Variants in ZNF254 observed in about 807,000 individuals in gnomAD.
ZNF254 encodes CTD-2017D11.1.
A neutral mutation model predicts 12.4 loss-of-function variants in ZNF254; 10 were observed. The ratio of observed to expected loss-of-function variants is 0.80; its 90% CI spans 0.50 to 1.36. The LOEUF is 1.36. Ranked by LOEUF, ZNF254 falls within the 40% of genes most tolerant of loss-of-function variation. ZNF254 has a pLI of 0.00. For synonymous variants in ZNF254, 305 were observed against 253.4 expected (o/e 1.20, Z -1.93); for missense variants, 996 against 763.9 (o/e 1.30, Z -3.58).
Position 24,129,902 on chromosome 19 carries a change from C to T in ZNF254, c.*1922C>T, listed in dbSNP as rs1208638328. On this transcript the variant is annotated 3_prime_UTR_variant, in exon 4 of 4. Transcript: ENST00000357002. ...CTTTGCCTGCAAGCACATATGGACTCTTAGAATTGATTTACATAAAATTAA... is the reference window on the plus strand; with the variant it reads ...CTTTGCCTGCAAGCACATATGGACTTTTAGAATTGATTTACATAAAATTAA... 6.6e-6 allele frequency: 1 copy of T among 151,840 alleles called. No homozygotes were observed. Among genetic ancestry groups the T allele is most frequent in the Non-Finnish European group, 1.5e-5 (1 of 67,956 alleles). The allele number at this position is 151,840 out of a possible 1,614,324, so 9.4% of individuals were successfully genotyped here.
chr19:24,062,305 G>GC (rs1971107947), intron 2 of ZNF254, among the ~76,000 whole-genome samples: 1 of 152,080 alleles, frequency 6.6e-6, no homozygotes, highest in Admixed American at 6.6e-5. Context: ...ACATGAAAGA[G>GC]CCCACTGACT....
intron 3 of ZNF254, among the ~76,000 whole-genome samples, chr19:24,117,478 G>A (rs945088863): frequency 5.9e-5 from 9 of 152,174 alleles, no homozygotes; most frequent in African/African-American, 2.2e-4. Flanking sequence ...GAGACTCTGT[G>A]GGCGTAGGAC....
chr19:24,090,008 T>C (rs1972270549), intron 1 of ZNF254, among the ~76,000 whole-genome samples: 1 of 141,146 alleles, frequency 7.1e-6, no homozygotes, highest in Non-Finnish European at 1.5e-5. Flanking sequence ...GCCAACATGG[T>C]GAAACCCCAT....
chr19:24,044,295 TTGGGAGGCCGA>T, intron 1 of ZNF254, among the ~76,000 whole-genome samples: 1 of 151,564 alleles, frequency 6.6e-6, no homozygotes, highest in Middle Eastern at 3.5e-3. Context: ...TCCCAGCACT[TTGGGAGGCCGA>T]GGCGGGTGGA....
At chr19:24,098,993 T>TC (rs1342635362) in intron 1 of ZNF254, 13 of 122,158 alleles carry the variant, frequency 1.1e-4, no homozygotes, top group Non-Finnish European at 1.8e-4. Context: ...TCGCTCTTTT[T>TC]TTTTTTTTTT....
chr19:24,115,262 C>T (rs1973965042), intron 3 of ZNF254, among the ~76,000 whole-genome samples: 1 of 152,062 alleles, frequency 6.6e-6, no homozygotes, highest in African/African-American at 2.4e-5. Flanking sequence ...ATAGCAAAGA[C>T]TTGGAACCAA....
intron 3 of ZNF254, among the ~76,000 whole-genome samples, chr19:24,124,531 A>G (rs896949834): frequency 6.6e-6 from 1 of 152,144 alleles, no homozygotes; most frequent in Non-Finnish European, 1.5e-5. Flanking sequence ...TATGTAGGGC[A>G]TATGCATTTC....
chr19:24,110,205 TA>T (rs1317482607), intron 3 of ZNF254, among the ~76,000 whole-genome samples: 1 of 152,228 alleles, frequency 6.6e-6, no homozygotes, highest in Non-Finnish European at 1.5e-5. Context: ...TTCCAGTTTT[TA>T]AAAATTATTG....
At chr19:24,107,037 TC>T (rs1438582340) in intron 3 of ZNF254, 1 of 451,716 alleles carries the variant, frequency 2.2e-6, no homozygotes, top group African/African-American at 2.1e-5. Flanking sequence ...AGTAGTAGTT[TC>T]TGTTATATTG....
At chr19:24,052,514 G>T (rs1970687726) in intron 2 of ZNF254, among the ~76,000 whole-genome samples, 1 of 152,144 alleles carries the variant, frequency 6.6e-6, no homozygotes, top group South Asian at 2.1e-4. Flanking sequence ...TGGGAAGATT[G>T]TGGCAAATCA....
At chr19:24,047,229 CCT>C (rs1970426354) in intron 2 of ZNF254, among the ~76,000 whole-genome samples, 1 of 151,414 alleles carries the variant, frequency 6.6e-6, no homozygotes. Flanking sequence ...TGTGTCTTTC[CCT>C]CTGTTTCTCT....
intron 3 of ZNF254, among the ~76,000 whole-genome samples, chr19:24,111,094 C>T (rs1973648100): frequency 7.4e-6 from 1 of 134,826 alleles, no homozygotes; most frequent in African/African-American, 2.7e-5. Context: ...TAATGCTATC[C>T]CTTCCCCCTC....
intron 1 of ZNF254, chr19:24,104,142 A>C (rs1208632385): frequency 6.6e-6 from 1 of 152,202 alleles, no homozygotes; most frequent in East Asian, 1.9e-4. Flanking sequence ...CGATATTTCT[A>C]TTACTGTAGC....
At chr19:24,115,410 T>C (rs1973979795) in intron 3 of ZNF254, among the ~76,000 whole-genome samples, 1 of 151,696 alleles carries the variant, frequency 6.6e-6, no homozygotes. Context: ...TCATTCTCAG[T>C]AAACTATCGC....
chr19:24,097,822 T>C (rs989898687), intron 1 of ZNF254, among the ~76,000 whole-genome samples: 2 of 146,422 alleles, frequency 1.4e-5, no homozygotes, highest in African/African-American at 2.6e-5. Flanking sequence ...TAAAATAAAA[T>C]AAAATATACA....
intron 2 of ZNF254, among the ~76,000 whole-genome samples, chr19:24,056,472 A>G (rs1282686020): frequency 2.0e-5 from 3 of 152,056 alleles, no homozygotes; most frequent in Admixed American, 6.6e-5. Flanking sequence ...ATGGAGACAT[A>G]TTGTGGAGCT....
At chr19:24,092,361 G>T (rs1972442866) in intron 1 of ZNF254, among the ~76,000 whole-genome samples, 1 of 150,810 alleles carries the variant, frequency 6.6e-6, no homozygotes, top group Non-Finnish European at 1.5e-5. Context: ...GTAGAGATGG[G>T]GTTTTATCAT....
At chr19:24,072,581 T>TGCAGAG (rs1971522066) in intron 2 of ZNF254, among the ~76,000 whole-genome samples, 1 of 152,210 alleles carries the variant, frequency 6.6e-6, no homozygotes, top group South Asian at 2.1e-4. Flanking sequence ...AGAGGCCTTG[T>TGCAGAG]GACACATCTC....
intron 2 of ZNF254, among the ~76,000 whole-genome samples, chr19:24,054,710 C>G (rs936613674): frequency 6.6e-6 from 1 of 152,156 alleles, no homozygotes; most frequent in Non-Finnish European, 1.5e-5. Context: ...ATGTATGAGC[C>G]TCCAACCACA....
Sources: gnomAD v4.1 joint callset for allele counts (sites outside exome capture counted in the v4.1 genomes callset) on GRCh38, gnomAD v4.1.1 for gene constraint, MANE v1.5 for transcripts, NCBI Gene and HGNC (gene_info 2026-07-23, HGNC 2026-07-21) for gene names.